The following CSRNP3 variants were observed in gnomAD, a reference collection of about 807,000 sequenced individuals.
CSRNP3 encodes cysteine/serine-rich nuclear protein 3.
In CSRNP3, 12 loss-of-function variants were observed where a neutral mutation model predicts 48.0. The ratio of observed to expected loss-of-function variants is 0.25; its 90% CI spans 0.16 to 0.41. The LOEUF (loss-of-function observed/expected upper bound fraction) is 0.41. Ranked by LOEUF, CSRNP3 falls within the 10% of genes least tolerant of loss-of-function variation. CSRNP3 has a pLI of 1.00. For synonymous variants in CSRNP3, 263 were observed against 269.7 expected (o/e 0.98, Z 0.24); for missense variants, 580 against 724.4 (o/e 0.80, Z 2.29).
At chr2:165,498,471 A>G (rs1275166613) in intron 2 of CSRNP3, among the ~76,000 whole-genome samples, 1 of 152,108 alleles carries the variant, frequency 6.6e-6, no homozygotes, top group African/African-American at 2.4e-5. Flanking sequence ...CTTACCCTGC[A>G]TTTCAATTTG....
chr2:165,486,103 C>G (rs1020656815), intron 1 of CSRNP3, among the ~76,000 whole-genome samples: 1 of 152,016 alleles, frequency 6.6e-6, no homozygotes, highest in Non-Finnish European at 1.5e-5. Context: ...GTGCGCGAGC[C>G]GAAGCAGGGC....
chr2:165,609,039 A>G (rs1485628783), intron 4 of CSRNP3, among the ~76,000 whole-genome samples: 1 of 148,114 alleles, frequency 6.8e-6, no homozygotes. Context: ...CCTGGAAGGC[A>G]GAGCTTGCAG....
chr2:165,625,989 G>A (rs1343311770), intron 4 of CSRNP3, among the ~76,000 whole-genome samples: 8 of 151,360 alleles, frequency 5.3e-5, no homozygotes, highest in Non-Finnish European at 1.5e-5. Flanking sequence ...TTGGGAGGCT[G>A]AGGTGGGTGG....
At chr2:165,666,037 G>GAGGA (rs1427654699) in intron 5 of CSRNP3, among the ~76,000 whole-genome samples, 680 of 33,936 alleles carry the variant, frequency 0.02, 36 homozygotes, top group African/African-American at 0.054. Context: ...GAGAGGAAGG[G>GAGGA]AGGAAGGAAG....
At chr2:165,637,388 A>G (rs1686648404) in intron 4 of CSRNP3, among the ~76,000 whole-genome samples, 1 of 152,250 alleles carries the variant, frequency 6.6e-6, no homozygotes, top group South Asian at 2.1e-4. Context: ...ATGCAGAAAC[A>G]GATTAATTGT....
At chr2:165,490,089 C>T (rs1210875144) in intron 1 of CSRNP3, among the ~76,000 whole-genome samples, 1 of 151,078 alleles carries the variant, frequency 6.6e-6, no homozygotes, top group South Asian at 2.1e-4. Flanking sequence ...TGATAAGCAA[C>T]TTCAGCAAAG....
intron 2 of CSRNP3, among the ~76,000 whole-genome samples, chr2:165,495,195 A>G (rs1043771278): frequency 1.3e-5 from 2 of 152,108 alleles, no homozygotes; most frequent in African/African-American, 2.4e-5. Flanking sequence ...GAGTGTCTTC[A>G]GCTTGCTGAA....
chr2:165,518,926 A>G (rs988152985), intron 3 of CSRNP3, among the ~76,000 whole-genome samples: 1 of 152,084 alleles, frequency 6.6e-6, no homozygotes, highest in Non-Finnish European at 1.5e-5. Context: ...CCTAGAAATT[A>G]ATTTTACTAT....
chr2:165,593,097 G>A (rs1418883682), intron 3 of CSRNP3, among the ~76,000 whole-genome samples: 5 of 152,114 alleles, frequency 3.3e-5, no homozygotes, highest in African/African-American at 1.2e-4. Flanking sequence ...CACCGCGCCC[G>A]GCCTAAACCT....
intron 3 of CSRNP3, among the ~76,000 whole-genome samples, chr2:165,592,807 T>TC (rs1299546046): frequency 1.4e-5 from 2 of 144,600 alleles, no homozygotes. Context: ...TTTTCATTTT[T>TC]TTTTTTTTTT....
intron 5 of CSRNP3, among the ~76,000 whole-genome samples, chr2:165,674,704 A>ATATATG (rs967549482): frequency 1.4e-5 from 2 of 139,168 alleles, no homozygotes; most frequent in Non-Finnish European, 3.1e-5. Flanking sequence ...ATATATATAT[A>ATATATG]TATATATATA....
rs376535736 is a variant in CSRNP3 at position 165,685,378 on chromosome 2, A to C, written c.*5625A>C. Reference sequence around the variant, plus strand: ...ATGACCTGTGTTTTACCTGGTGATCAGTTCTCAGGCTAGTCTAAGTCTGTG... The same window carrying C: ...ATGACCTGTGTTTTACCTGGTGATCCGTTCTCAGGCTAGTCTAAGTCTGTG... On this transcript the variant is annotated 3_prime_UTR_variant, in exon 7 of 7. Transcript: ENST00000651982. The C allele has an allele frequency of 3.3e-5, 5 of 152,158 alleles. No homozygotes were observed. Among genetic ancestry groups the C allele is most frequent in the African/African-American group, 1.2e-4 (5 of 41,552 alleles). 9.4% of individuals were successfully genotyped at this position (152,158 alleles called of 1,614,324 possible). A position where few individuals can be genotyped will look rare whatever the true frequency, so the allele number is the denominator to read the frequency against.
chr2:165,556,206 G>A (rs1348304716), intron 3 of CSRNP3, among the ~76,000 whole-genome samples: 2 of 152,120 alleles, frequency 1.3e-5, no homozygotes, highest in Non-Finnish European at 2.9e-5. Context: ...AAAGCATTGA[G>A]GGTAATTCCA....
chr2:165,611,388 T>C (rs1016894075), intron 4 of CSRNP3, among the ~76,000 whole-genome samples: 4 of 152,040 alleles, frequency 2.6e-5, no homozygotes, highest in Non-Finnish European at 5.9e-5. Flanking sequence ...TGTATATACA[T>C]ACATATATAT....
chr2:165,665,803 A>AGAG (rs1573955139), intron 5 of CSRNP3, among the ~76,000 whole-genome samples: 23 of 93,202 alleles, frequency 2.5e-4, no homozygotes, highest in South Asian at 2.2e-3. Flanking sequence ...GAGAGAGAGA[A>AGAG]AGAGAGAAAG....
At chr2:165,531,815 G>A (rs1188020851) in intron 3 of CSRNP3, among the ~76,000 whole-genome samples, 1 of 151,960 alleles carries the variant, frequency 6.6e-6, no homozygotes, top group Non-Finnish European at 1.5e-5. Context: ...CCGCTAGCAA[G>A]ACTAATAAAG....
chr2:165,507,532 C>T (rs546249944), intron 2 of CSRNP3, among the ~76,000 whole-genome samples: 4 of 152,084 alleles, frequency 2.6e-5, no homozygotes, highest in Admixed American at 2.0e-4. Context: ...TATTGTGATG[C>T]CTATTTATAC....
chr2:165,592,485 A>T (rs570335714), intron 3 of CSRNP3, among the ~76,000 whole-genome samples: 1 of 152,308 alleles, frequency 6.6e-6, no homozygotes, highest in Admixed American at 6.5e-5. Flanking sequence ...GAGGGGTCAC[A>T]GGCAGAATGA....
intron 4 of CSRNP3, among the ~76,000 whole-genome samples, chr2:165,613,604 T>C (rs1686176845): frequency 6.6e-6 from 1 of 152,152 alleles, no homozygotes; most frequent in Non-Finnish European, 1.5e-5. Flanking sequence ...CTGGTTTACT[T>C]TTTCTGCATA....
Sources: allele counts gnomAD v4.1 joint callset (sites outside exome capture counted in the v4.1 genomes callset), GRCh38; gene constraint gnomAD v4.1.1; transcripts MANE v1.5; gene names NCBI Gene and HGNC (gene_info 2026-07-23, HGNC 2026-07-21).